The following BCLAF1 variants were observed in gnomAD, a reference collection of about 807,000 sequenced individuals.
BCLAF1 encodes BCL2 associated transcription factor 1, also known as bcl-2-associated transcription factor 1.
BCLAF1 carries 10 observed loss-of-function variants against 99.5 expected under a neutral mutation model. The observed-to-expected ratio is 0.10, with a 90% CI of 0.06 to 0.17. BCLAF1 has a LOEUF of 0.17. Among genes scored for constraint, BCLAF1 ranks in the 10% least tolerant of loss-of-function variants. BCLAF1 has a pLI of 1.00. For synonymous variants in BCLAF1, 255 were observed against 370.9 expected, an observed-to-expected ratio of 0.69 and a Z score of 3.59; for missense variants, 636 against 1,105.8, an observed-to-expected ratio of 0.58 and a Z score of 6.02.
At chr6:136,266,491 C>T (rs1406001057) in intron 11 of BCLAF1, among the ~76,000 whole-genome samples, 2 of 152,050 alleles carry the variant, frequency 1.3e-5, no homozygotes, top group East Asian at 1.9e-4. Flanking sequence ...AAAACTATTT[C>T]AGAGGGAAAA....
At position 136,257,981 on chromosome 6, in the gene BCLAF1, T is replaced by TG. The variant is rs1181516297; in HGVS notation, c.*3128_*3129insC. The TG allele has an allele frequency of 3.9e-5, 6 of 152,142 alleles. No individual in the cohort carries two copies. Among genetic ancestry groups the TG allele is most frequent in the African/African-American group, 1.4e-4 (6 of 41,462 alleles). The allele number at this position is 152,142 out of a possible 1,614,324, so 9.4% of individuals were successfully genotyped here. On this transcript the variant is annotated 3_prime_UTR_variant, in exon 13 of 13. Coordinates refer to ENST00000531224, the MANE Select transcript of BCLAF1 (RefSeq NM_014739.3). ...TCCAGTATAATTAAGCTACCAATGA[T>TG]CTTACACAACACTTTACATGCATAT...
intron 11 of BCLAF1, among the ~76,000 whole-genome samples, chr6:136,266,531 G>C (rs757857554): frequency 2.6e-5 from 4 of 152,040 alleles, no homozygotes; most frequent in Admixed American, 6.6e-5. Context: ...CACCAAATTA[G>C]TGTATCTAGC....
chr6:136,270,240 G>A (rs915255176), intron 8 of BCLAF1: 1 of 151,950 alleles, frequency 6.6e-6, no homozygotes, highest in Non-Finnish European at 1.5e-5. Context: ...TCGCAATCCT[G>A]TACTCAGTAT....
chr6:136,273,307 G>T (rs1782805455), intron 6 of BCLAF1, 120 bp from the exon 7 acceptor site: 2 of 832,200 alleles, frequency 2.4e-6, no homozygotes, highest in East Asian at 2.5e-5. Context: ...TAGCAAAAGA[G>T]AATCAAGTGT....
chr6:136,283,880 G>C (rs1314170085), intron 1 of BCLAF1, among the ~76,000 whole-genome samples: 1 of 151,660 alleles, frequency 6.6e-6, no homozygotes, highest in African/African-American at 2.4e-5. Context: ...AGCAAGATTG[G>C]GTACAAAAAC....
intron 10 of BCLAF1, 111 bp downstream of exon 10, chr6:136,268,051 T>C (rs1194961557): frequency 4.7e-6 from 5 of 1,071,234 alleles, no homozygotes; most frequent in Non-Finnish European, 3.9e-6. Context: ...TCTCTGACTT[T>C]AGGAATAATG....
At chr6:136,280,628 G>A (rs1223274445) in intron 2 of BCLAF1, among the ~76,000 whole-genome samples, 1 of 152,084 alleles carries the variant, frequency 6.6e-6, no homozygotes, top group Non-Finnish European at 1.5e-5. Context: ...TTGGGCACCA[G>A]TAGTTTAACT....
rs111800140 is a variant in BCLAF1 at position 136,261,148 on chromosome 6, A to G, written c.2758-33T>C. The G allele has an allele frequency of 2.2e-4, 349 of 1,571,912 alleles. 1 individual carries two copies. In the African/African-American group the frequency reaches 3.9e-3, roughly 17 times the overall value. ...AGAGAGAAAAAATTAAAGATTAACA[A>G]AAGATGCGGAGAGTGAAAAGGAACC... On this transcript the variant is annotated intron_variant, in intron 12 of 12. Coordinates refer to ENST00000531224, the MANE Select transcript of BCLAF1 (RefSeq NM_014739.3).
chr6:136,263,404 A>G (rs781583779), intron 11 of BCLAF1, among the ~76,000 whole-genome samples: 5 of 152,212 alleles, frequency 3.3e-5, no homozygotes, highest in Non-Finnish European at 5.9e-5. Context: ...AACAGCACCT[A>G]AACAATTAAA....
In BCLAF1 at chr6:136,273,078, A is replaced by G. The variant is rs751357636; in HGVS notation, c.1958+4T>C. 1.9e-6 allele frequency: 3 copies of G among 1,606,702 alleles called. No homozygotes were observed. In the East Asian group the frequency reaches 6.7e-5, roughly 36 times the overall value. On this transcript the variant is annotated splice_donor_region_variant and intron_variant, in intron 7 of 12. Transcript: ENST00000531224. ...TTTATATGCCAGTTCAGCAGGATAC[A>G]TACCTGTGTATTTCAGGGCTCTTTT...
intron 1 of BCLAF1, among the ~76,000 whole-genome samples, chr6:136,286,702 T>C (rs1342616239): frequency 3.3e-5 from 5 of 152,308 alleles, no homozygotes; most frequent in African/African-American, 1.2e-4. Context: ...GTGCGGTGGC[T>C]TACACCTGTA....
intron 12 of BCLAF1, 28 bp downstream of exon 12, chr6:136,261,237 G>A (rs1312732953): frequency 6.2e-7 from 1 of 1,603,272 alleles, no homozygotes; most frequent in Non-Finnish European, 8.5e-7. Flanking sequence ...AAAAAAATCT[G>A]TCAGAATCAC....
At chr6:136,265,739 T>A (rs2128469240) in intron 11 of BCLAF1, among the ~76,000 whole-genome samples, 1 of 152,272 alleles carries the variant, frequency 6.6e-6, no homozygotes, top group Middle Eastern at 3.4e-3. Flanking sequence ...TCCTAATCAC[T>A]GTCTCCTTTG....
At chr6:136,275,784 T>C in intron 5 of BCLAF1, 59 bp downstream of exon 5, 1 of 1,570,266 alleles carries the variant, frequency 6.4e-7, no homozygotes. Context: ...AAGTTTAAGA[T>C]AATTAACTGG....
chr6:136,284,697 G>A (rs978049407), intron 1 of BCLAF1, among the ~76,000 whole-genome samples: 15 of 152,228 alleles, frequency 9.9e-5, no homozygotes, highest in African/African-American at 3.4e-4. Context: ...TGCCTTACAT[G>A]CCAGGCACTA....
intron 9 of BCLAF1, 158 bp downstream of exon 9, chr6:136,269,279 C>T (rs775453857): frequency 6.6e-7 from 1 of 1,518,420 alleles, no homozygotes; most frequent in African/African-American, 1.4e-5. Flanking sequence ...CACCATAAGC[C>T]GTGTAAAAGA....
chr6:136,268,338 T>C lies in BCLAF1; in HGVS notation c.2221A>G (p.Lys741Glu). ...GAATGATCTTGCTCTCTTTTATGTT[T>C]ACTGCAAAATAAAGAAAACAAAAAA... is the stretch of plus-strand genomic sequence containing the variant. Reference protein sequence around the residue: ...KEYKSYKDDSKHKREQDHSRS... With the variant: ...KEYKSYKDDSEHKREQDHSRS... Residue 741 changes from lysine to glutamate, a missense_variant and splice_region_variant, in exon 10 of 13, where the codon AAA becomes GAA. Lys to Glu is a moderately conservative substitution (Grantham distance 56). Transcript: ENST00000531224. The C allele has an allele frequency of 6.3e-7, 1 of 1,592,504 alleles. No homozygotes were observed. The highest frequency in any genetic ancestry group is 1.8e-5 in the Admixed American group (1 of 54,580).
rs191316523 is a variant in BCLAF1 at position 136,257,603 on chromosome 6, A to G, written c.*3507T>C. 7 of 152,322 alleles carry G rather than the reference A, an allele frequency of 4.6e-5. No homozygotes were observed. Among genetic ancestry groups the G allele is most frequent in the Admixed American group, 2.0e-4 (3 of 15,310 alleles). The allele number at this position is 152,322 out of a possible 1,614,324, so 9.4% of individuals were successfully genotyped here. On this transcript the variant is annotated 3_prime_UTR_variant, in exon 13 of 13. Coordinates refer to ENST00000531224, the MANE Select transcript of BCLAF1 (RefSeq NM_014739.3). Reference sequence around the variant, plus strand: ...GTACTAATTTTTAGTATCTACCCCAATAAAATTTGAAACATTTAATAATAG... The same window carrying G: ...GTACTAATTTTTAGTATCTACCCCAGTAAAATTTGAAACATTTAATAATAG...
At chr6:136,273,288 T>C in intron 6 of BCLAF1, 101 bp from the exon 7 acceptor site, 1 of 981,634 alleles carries the variant, frequency 1.0e-6, no homozygotes, top group South Asian at 1.6e-5. Context: ...AAAATAAAAA[T>C]AAGAAACCTA....
Sources: gnomAD v4.1 joint callset for allele counts (sites outside exome capture counted in the v4.1 genomes callset) on GRCh38, gnomAD v4.1.1 for gene constraint, MANE v1.5 for transcripts, NCBI Gene and HGNC (gene_info 2026-07-23, HGNC 2026-07-21) for gene names.